MAGI1: variants seen among roughly 807,000 people sequenced by gnomAD.
MAGI1 encodes the protein membrane-associated guanylate kinase, WW and PDZ domain-containing protein 1.
A neutral mutation model predicts 139.9 loss-of-function variants in MAGI1; 58 were observed. The observed-to-expected ratio is 0.41, with a 90% CI of 0.34 to 0.52. The LOEUF (loss-of-function observed/expected upper bound fraction) is 0.52. MAGI1 is among the 20% of genes least tolerant of loss of function. MAGI1 has a pLI of 0.12. For synonymous variants in MAGI1, 812 were observed against 737.9 expected, an observed-to-expected ratio of 1.10 and a Z score of -1.63; for missense variants, 1,874 against 1,901.6, an observed-to-expected ratio of 0.99 and a Z score of 0.27.
At chr3:65,381,817 A>G (rs1006102756) in intron 16 of MAGI1, 60 bp downstream of exon 16, 2 of 1,418,732 alleles carry the variant, frequency 1.4e-6, no homozygotes, top group African/African-American at 2.9e-5. Context: ...CACAGGAAGG[A>G]GGCCTTTTCT....
Position 65,439,899 on chromosome 3 carries a change from T to A in MAGI1, c.1250A>T (p.Gln417Leu), listed in dbSNP as rs924669695. Reference sequence around the variant, plus strand: ...CCAACCTTCTGTCTGCTGCTGCTGCTGCTGCTGCTGCTGCTGTTGCTGCTG... The same window carrying A: ...CCAACCTTCTGTCTGCTGCTGCTGCAGCTGCTGCTGCTGCTGTTGCTGCTG... ...QQQQQQQQQQ[Q>L]QQQQTEEWTE... Residue 417 changes from glutamine to leucine, a missense_variant, in exon 9 of 23, where the codon CAG becomes CTG. By Grantham distance (113) the Gln-to-Leu change is moderately radical. This residue lies in a region of MAGI1 where 648 missense variants were observed against 598.1 expected (regional missense o/e 1.08). Transcript: ENST00000402939. 6.2e-7 allele frequency: 1 copy of A among 1,609,190 alleles called. No individual in the cohort carries two copies. Among genetic ancestry groups the A allele is most frequent in the South Asian group, 1.1e-5 (1 of 90,848 alleles).
intron 1 of MAGI1, among the ~76,000 whole-genome samples, chr3:65,979,088 TC>T (rs200894076): frequency 0.038 from 1,999 of 52,940 alleles, 66 homozygotes; most frequent in East Asian, 0.18. Context: ...TTTCTTTTCT[TC>T]CCCCCCCCCG....
chr3:65,537,326 C>T (rs1282133425), intron 2 of MAGI1, among the ~76,000 whole-genome samples: 1 of 152,174 alleles, frequency 6.6e-6, no homozygotes, highest in Admixed American at 6.5e-5. Flanking sequence ...GGAAGCCATA[C>T]CATTCATAAG....
At chr3:65,767,803 G>C (rs576666747) in intron 1 of MAGI1, among the ~76,000 whole-genome samples, 1 of 152,306 alleles carries the variant, frequency 6.6e-6, no homozygotes, top group East Asian at 1.9e-4. Flanking sequence ...GGCAGTTCTA[G>C]CTGGCATGAA....
chr3:65,872,785 C>G (rs2059982924), intron 1 of MAGI1: 1 of 152,166 alleles, frequency 6.6e-6, no homozygotes, highest in African/African-American at 2.4e-5. Flanking sequence ...CCCAAACATA[C>G]TGGACAAATT....
intron 2 of MAGI1, among the ~76,000 whole-genome samples, chr3:65,609,586 T>C (rs2082935333): frequency 6.6e-6 from 1 of 150,692 alleles, no homozygotes; most frequent in African/African-American, 2.5e-5. Flanking sequence ...TTTTGTTTTT[T>C]GTTTTTGTTT....
chr3:65,666,045 C>T (rs2086497488), intron 1 of MAGI1, among the ~76,000 whole-genome samples: 1 of 152,118 alleles, frequency 6.6e-6, no homozygotes, highest in Non-Finnish European at 1.5e-5. Flanking sequence ...CATATGGTCA[C>T]TGAAAAAGTA....
chr3:65,570,418 TAA>T lies in MAGI1; in HGVS notation c.430+51552_430+51553del, dbSNP rs60986885. On this transcript the variant is annotated intron_variant, in intron 2 of 22. Transcript: ENST00000402939. Reference sequence around the variant, plus strand: ...CACCTGGCCTTTCTACAATACTTCATAAAAAAAAAAAAATGTTTAATCAGCTC... The same window carrying T: ...CACCTGGCCTTTCTACAATACTTCATAAAAAAAAAAATGTTTAATCAGCTC... 1.4e-3 allele frequency among the ~76,000 whole-genome samples: 195 copies of T among 138,178 alleles called. 1 individual carries two copies. The Middle Eastern group carries it at 0.015, about 10-fold the overall frequency. The allele number at this position is 138,178 out of a possible 152,430, so 90.7% of individuals were successfully genotyped here.
At chr3:65,760,688 C>T (rs1012529694) in intron 1 of MAGI1, among the ~76,000 whole-genome samples, 2 of 152,044 alleles carry the variant, frequency 1.3e-5, no homozygotes, top group Non-Finnish European at 2.9e-5. Context: ...GTTACAGGCA[C>T]GAGCCACTGG....
intron 1 of MAGI1, chr3:65,688,557 G>A (rs773119998): frequency 6.8e-5 from 24 of 351,792 alleles, no homozygotes; most frequent in Non-Finnish European, 1.1e-4. Context: ...TTTATATGGT[G>A]ACAGACATTT....
At chr3:65,674,507 C>A (rs2087062440) in intron 1 of MAGI1, among the ~76,000 whole-genome samples, 1 of 152,164 alleles carries the variant, frequency 6.6e-6, no homozygotes, top group South Asian at 2.1e-4. Context: ...ACAAGAACAA[C>A]CCCTTCTTTC....
At chr3:65,571,544 C>G (rs1470194416) in intron 2 of MAGI1, among the ~76,000 whole-genome samples, 1 of 151,956 alleles carries the variant, frequency 6.6e-6, no homozygotes, top group East Asian at 1.9e-4. Flanking sequence ...GTAATGATTA[C>G]TAGAATATAC....
chr3:65,775,500 GCCAAAAAAA>G (rs1406452164), intron 1 of MAGI1, among the ~76,000 whole-genome samples: 190 of 32,550 alleles, frequency 5.8e-3, no homozygotes, highest in African/African-American at 0.024. Flanking sequence ...CACCCACTCT[GCCAAAAAAA>G]AAAAAAAAAA....
intron 1 of MAGI1, among the ~76,000 whole-genome samples, chr3:65,851,444 A>G (rs543797626): frequency 7.9e-5 from 12 of 152,110 alleles, no homozygotes; most frequent in African/African-American, 2.4e-4. Context: ...CTTGCAAACT[A>G]AATAAAAAAA....
At chr3:65,761,089 C>A (rs1235256332) in intron 1 of MAGI1, among the ~76,000 whole-genome samples, 1 of 152,174 alleles carries the variant, frequency 6.6e-6, no homozygotes, top group Non-Finnish European at 1.5e-5. Flanking sequence ...GAAGGGGACC[C>A]TTCCACAGGA....
intron 1 of MAGI1, among the ~76,000 whole-genome samples, chr3:65,631,335 T>C (rs1002555784): frequency 6.6e-6 from 1 of 152,240 alleles, no homozygotes; most frequent in Non-Finnish European, 1.5e-5. Context: ...TGTAGGATCA[T>C]GCCACATATA....
chr3:65,637,535 C>T (rs567252996), intron 1 of MAGI1, among the ~76,000 whole-genome samples: 4 of 144,934 alleles, frequency 2.8e-5, no homozygotes, highest in South Asian at 4.3e-4. Flanking sequence ...GCCTAGGTGA[C>T]ATTGAGACCC....
chr3:65,537,783 T>C (rs1287617186), intron 2 of MAGI1, among the ~76,000 whole-genome samples: 1 of 152,090 alleles, frequency 6.6e-6, no homozygotes, highest in Non-Finnish European at 1.5e-5. Flanking sequence ...CCCAACCCCC[T>C]GAAAATTACA....
intron 1 of MAGI1, among the ~76,000 whole-genome samples, chr3:65,763,348 G>A (rs903343723): frequency 4.6e-5 from 7 of 151,808 alleles, no homozygotes; most frequent in Non-Finnish European, 1.0e-4. Context: ...TCCATATAAG[G>A]GTTCCCATGT....
Sources: allele counts gnomAD v4.1 joint callset (sites outside exome capture counted in the v4.1 genomes callset), GRCh38; gene constraint gnomAD v4.1.1; regional missense constraint gnomAD v4.1.1; transcripts MANE v1.5; gene names NCBI Gene and HGNC (gene_info 2026-07-23, HGNC 2026-07-21).